The following PGPEP1 variants were observed in gnomAD, a reference collection of about 807,000 sequenced individuals.
The protein encoded by PGPEP1 is pyroglutamyl-peptidase 1.
A neutral mutation model predicts 24.1 loss-of-function variants in PGPEP1; 15 were observed. That is an observed-to-expected ratio of 0.62 (90% CI 0.42 to 0.96). The LOEUF is 0.96. PGPEP1 is among the 40% of genes least tolerant of loss of function. The probability of loss-of-function intolerance (pLI) is 0.00; values close to 1 mark genes in which losing one functional copy is unlikely to be tolerated. For missense variants in PGPEP1, 242 were observed against 273.4 expected (o/e 0.89, Z 0.81); for synonymous variants, 122 against 116.4 (o/e 1.05, Z -0.31).
At chr19:18,362,501 G>A (rs554112786) in intron 4 of PGPEP1, among the ~76,000 whole-genome samples, 4 of 152,180 alleles carry the variant, frequency 2.6e-5, no homozygotes, top group South Asian at 2.1e-4. Flanking sequence ...TGAGGTAGGC[G>A]GATCACTACA....
rs979171655 is a variant in PGPEP1, at chr19:18,364,708, T to G, written c.*1125T>G. 6.6e-6 allele frequency: 1 copy of G among 152,116 alleles called. No individual in the cohort carries two copies. Among genetic ancestry groups the G allele is most frequent in the Non-Finnish European group, 1.5e-5 (1 of 68,042 alleles). The allele number at this position is 152,116 out of a possible 1,614,324, so 9.4% of individuals were successfully genotyped here. A position where few individuals can be genotyped will look rare whatever the true frequency, so the allele number is the denominator to read the frequency against. On this transcript the variant is annotated 3_prime_UTR_variant, in exon 5 of 5. Coordinates refer to ENST00000269919, the MANE Select transcript of PGPEP1 (RefSeq NM_017712.4). ...TGGGGTCCGTGGCCAGGCAACGGGG[T>G]GGGACTGCTGCCCCAGATGTGGCCA...
chr19:18,363,426 A>T lies in PGPEP1; in HGVS notation c.473A>T (p.Tyr158Phe). 6.2e-7 allele frequency: 1 copy of T among 1,613,510 alleles called. No homozygotes were observed. The highest frequency in any genetic ancestry group is 1.1e-5 in the South Asian group (1 of 91,078). ...LCDFTYYTSL[Y>F]QSHGRSAFVH... ...GACTTTACCTACTACACCTCTTTGT[A>T]CCAGAGTCACGGTCGATCAGCCTTC... The change falls in exon 5 of 5, where the codon TAC becomes TTC. Residue 158 changes from tyrosine to phenylalanine, a missense_variant. Transcript: ENST00000269919.
At chr19:18,363,269 A>G (rs1349935083) in intron 4 of PGPEP1, 122 bp from the exon 5 acceptor site, 1 of 706,518 alleles carries the variant, frequency 1.4e-6, no homozygotes, top group Non-Finnish European at 2.3e-6. Flanking sequence ...GTGTTGTTCC[A>G]TCTTGTGGGT....
At chr19:18,358,321 C>T (rs1387909459) in intron 4 of PGPEP1, among the ~76,000 whole-genome samples, 3 of 132,736 alleles carry the variant, frequency 2.3e-5, no homozygotes, top group Non-Finnish European at 1.5e-5. Context: ...AGTGCAATGG[C>T]GTGATCTCAG....
rs3746184 is a variant in PGPEP1, at chr19:18,363,777, T to A, written c.*194T>A. The A allele has an allele frequency of 0.33, 154,127 of 467,090 alleles. 27,962 individuals carry two copies. The highest frequency in any genetic ancestry group is 0.51 in the South Asian group (13,030 of 25,590). 28.9% of individuals were successfully genotyped at this position (467,090 alleles called of 1,614,324 possible). ...GTTGATTCGAGGGAAGTGGTGAAAA[T>A]TTTTTTTTCTCCCATTTTCCTCCCT... is the stretch of plus-strand genomic sequence containing the variant. On this transcript the variant is annotated 3_prime_UTR_variant, in exon 5 of 5. Transcript: ENST00000269919.
intron 1 of PGPEP1, 72 bp from the exon 2 acceptor site, chr19:18,342,787 G>A: frequency 8.5e-7 from 1 of 1,176,094 alleles, no homozygotes; most frequent in Non-Finnish European, 1.3e-6. Flanking sequence ...CCAGGTGGGA[G>A]TAGCGGCCAG....
intron 4 of PGPEP1, among the ~76,000 whole-genome samples, chr19:18,358,624 T>C (rs944741642): frequency 2.2e-4 from 33 of 149,054 alleles, no homozygotes; most frequent in African/African-American, 8.2e-4. Flanking sequence ...GTGACATTCT[T>C]TTTTTTTTGA....
In PGPEP1 at chr19:18,355,969, C is replaced by T; in HGVS notation, c.162C>T (p.Val54=). 6.2e-7 allele frequency: 1 copy of T among 1,613,318 alleles called. No individual in the cohort carries two copies. The highest frequency in any genetic ancestry group is 8.5e-7 in the Non-Finnish European group (1 of 1,179,344). The change falls in exon 3 of 5, where the codon GTC becomes GTT. Residue 54 remains valine (V), a synonymous_variant. Transcript: ENST00000269919. The part of the protein sequence containing the change: ...VYEIPVEYQT[V]QRLIPALWEK... Reference sequence around the variant, plus strand: ...AGATTCCGGTTGAGTACCAAACAGTCCAGAGACTCATCCCCGCCCTGTGGG... The same window carrying T: ...AGATTCCGGTTGAGTACCAAACAGTTCAGAGACTCATCCCCGCCCTGTGGG...
At chr19:18,344,018 G>T (rs1266257804) in intron 2 of PGPEP1, among the ~76,000 whole-genome samples, 1 of 151,984 alleles carries the variant, frequency 6.6e-6, no homozygotes, top group African/African-American at 2.4e-5. Context: ...CTTTTCCATT[G>T]ACTCAGACAA....
chr19:18,356,287 A>G (rs1971184177), intron 3 of PGPEP1, among the ~76,000 whole-genome samples: 1 of 151,740 alleles, frequency 6.6e-6, no homozygotes. Context: ...ACAAAAAATT[A>G]GCCGGGTGTG....
In PGPEP1 at chr19:18,363,385, G is replaced by GCTTAGATATCTCTGCGA. The variant is rs780565546; in HGVS notation, c.438-2_452dup. 6.2e-7 allele frequency: 1 copy of GCTTAGATATCTCTGCGA among 1,601,208 alleles called. No individual in the cohort carries two copies. Among genetic ancestry groups the GCTTAGATATCTCTGCGA allele is most frequent in the Non-Finnish European group, 8.6e-7 (1 of 1,169,080 alleles). On this transcript the variant is annotated splice_polypyrimidine_tract_variant and splice_region_variant and intron_variant, in intron 4 of 4. Transcript: ENST00000269919. ...TCTCTCTTACCCGCCACGCCCTGCG[G>GCTTAGATATCTCTGCGA]CTTAGATATCTCTGCGACTTTACCT...
In PGPEP1 at chr19:18,346,750, C is replaced by T. The variant is rs563398726; in HGVS notation, c.87+3839C>T. ...CCGCCTCCCAGGTTCAAGCAATTCT[C>T]CTGCCTCAGCCTCCTGAGTAGCTGG... is the stretch of plus-strand genomic sequence containing the variant. On this transcript the variant is annotated intron_variant, in intron 2 of 4. Transcript: ENST00000269919. Among the ~76,000 whole-genome samples, 51 of 149,522 alleles carry T rather than the reference C, an allele frequency of 3.4e-4. 1 individual carries two copies. In the South Asian group the frequency reaches 0.011, roughly 31 times the overall value.
intron 4 of PGPEP1, among the ~76,000 whole-genome samples, chr19:18,359,838 G>T (rs977514607): frequency 2.0e-5 from 3 of 151,532 alleles, no homozygotes; most frequent in African/African-American, 7.3e-5. Flanking sequence ...ATTCCAACAC[G>T]AGTCACCTCC....
chr19:18,356,994 C>T (rs563277419), intron 3 of PGPEP1, among the ~76,000 whole-genome samples: 62 of 145,862 alleles, frequency 4.3e-4, no homozygotes, highest in Non-Finnish European at 7.2e-4. Context: ...GCTGAGATCG[C>T]GCCACTGCAC....
rs1306298523 is a variant in PGPEP1 at position 18,352,037 on chromosome 19, C to T, written c.88-3858C>T. On this transcript the variant is annotated intron_variant, in intron 2 of 4. Coordinates refer to ENST00000269919, the MANE Select transcript of PGPEP1 (RefSeq NM_017712.4). ...CTGTAATCCCAGCACTTTGGGAGGC[C>T]GAGATGGGCGGATCACGAGGTCAGG... Among the ~76,000 whole-genome samples, 11 of 151,600 alleles carry T rather than the reference C, an allele frequency of 7.3e-5. 2 individuals carry two copies. The East Asian group carries it at 1.6e-3, about 22-fold the overall frequency.
chr19:18,351,022 C>G (rs1377167913), intron 2 of PGPEP1, among the ~76,000 whole-genome samples: 1 of 152,128 alleles, frequency 6.6e-6, no homozygotes, highest in Non-Finnish European at 1.5e-5. Flanking sequence ...GTCTGTAATC[C>G]CAGCATTTTG....
In PGPEP1 at chr19:18,351,818, AT is replaced by A. The variant is rs370231816; in HGVS notation, c.88-4076del. 1.2e-4 allele frequency among the ~76,000 whole-genome samples: 18 copies of A among 151,830 alleles called. No homozygotes were observed. In the East Asian group the frequency reaches 3.5e-3, roughly 30 times the overall value. ...ATGGGATTTCTCAGGTGTGTGAATA[AT>A]AGATTAGAAACAGGTCTGCATGGGG... On this transcript the variant is annotated intron_variant, in intron 2 of 4. Coordinates refer to ENST00000269919, the MANE Select transcript of PGPEP1 (RefSeq NM_017712.4).
chr19:18,357,485 C>T lies in PGPEP1; in HGVS notation c.307C>T (p.Pro103Ser), dbSNP rs774573807. The change falls in exon 4 of 5, where the codon CCC becomes TCC. Residue 103 changes from proline (P) to serine (S), a missense_variant. By Grantham distance (74) the Pro-to-Ser change is moderately conservative. Transcript: ENST00000269919. ...YKGLDNCRFC[P>S]GSQCCVEDGP... ...GGGGCTGGACAACTGCCGCTTTTGCCCCGGCTCCCAGTGCTGCGTGGAGGA... is the reference window on the plus strand; with the variant it reads ...GGGGCTGGACAACTGCCGCTTTTGCTCCGGCTCCCAGTGCTGCGTGGAGGA... The T allele has an allele frequency of 6.2e-6, 10 of 1,613,656 alleles. No individual in the cohort carries two copies. The highest frequency in any genetic ancestry group is 1.7e-6 in the Non-Finnish European group (2 of 1,179,890).
intron 4 of PGPEP1, 102 bp from the exon 5 acceptor site, chr19:18,363,289 G>A: frequency 1.1e-6 from 1 of 881,936 alleles, no homozygotes; most frequent in Non-Finnish European, 1.8e-6. Context: ...TTGCTGGTAA[G>A]GTCTTCCCTT....
Sources: gnomAD v4.1 joint callset for allele counts (sites outside exome capture counted in the v4.1 genomes callset) on GRCh38, gnomAD v4.1.1 for gene constraint, MANE v1.5 for transcripts, NCBI Gene and HGNC (gene_info 2026-07-23, HGNC 2026-07-21) for gene names.